Variants in COPS4 observed in about 807,000 individuals in gnomAD.
COPS4 encodes the protein COP9 signalosome subunit 4, also known as COP9 signalosome complex subunit 4.
COPS4 carries 8 observed loss-of-function variants against 55.1 expected under a neutral mutation model. That is an observed-to-expected ratio of 0.15 (90% CI 0.09 to 0.26). The LOEUF (loss-of-function observed/expected upper bound fraction) is 0.26. Among genes scored for constraint, COPS4 ranks in the 10% least tolerant of loss-of-function variants. The probability of loss-of-function intolerance (pLI) is 1.00; values close to 1 mark genes in which losing one functional copy is unlikely to be tolerated. For synonymous variants in COPS4, 185 were observed against 165.7 expected (o/e 1.12, Z -0.90); for missense variants, 248 against 484.0 (o/e 0.51, Z 4.58).
intron 9 of COPS4, among the ~76,000 whole-genome samples, chr4:83,070,853 G>T (rs990566776): frequency 1.3e-5 from 2 of 152,100 alleles, no homozygotes; most frequent in African/African-American, 4.8e-5. Context: ...CTTCCCCATT[G>T]CTTGTAGAAC....
chr4:83,063,673 C>A (rs1024569983), intron 7 of COPS4, among the ~76,000 whole-genome samples: 2 of 151,332 alleles, frequency 1.3e-5, no homozygotes, highest in East Asian at 3.9e-4. Flanking sequence ...TCCCAAAGTG[C>A]TAGGATTACA....
intron 1 of COPS4, among the ~76,000 whole-genome samples, chr4:83,044,155 T>G (rs184933702): frequency 6.6e-6 from 1 of 152,324 alleles, no homozygotes; most frequent in East Asian, 1.9e-4. Context: ...TTAAAAAATA[T>G]TACAATTGGC....
chr4:83,065,349 G>A (rs572938302), intron 7 of COPS4, among the ~76,000 whole-genome samples: 8 of 152,238 alleles, frequency 5.3e-5, no homozygotes, highest in Admixed American at 2.6e-4. Flanking sequence ...AGAGATGAAG[G>A]TGCAAAATTA....
At chr4:83,046,504 C>G (rs770748583) in intron 2 of COPS4, among the ~76,000 whole-genome samples, 1 of 152,128 alleles carries the variant, frequency 6.6e-6, no homozygotes, top group Non-Finnish European at 1.5e-5. Context: ...CGCCATATTG[C>G]TATTCACAAT....
At chr4:83,035,671 G>A (rs1346295925) in intron 1 of COPS4, 1 of 188,582 alleles carries the variant, frequency 5.3e-6, no homozygotes, top group Non-Finnish European at 1.2e-5. Context: ...CCTCTCTTTG[G>A]ACCTTCCTCC....
chr4:83,063,167 A>G lies in COPS4; in HGVS notation c.807A>G (p.Leu269=). 1.9e-6 allele frequency: 3 copies of G among 1,612,756 alleles called. No individual in the cohort carries two copies. The highest frequency in any genetic ancestry group is 2.5e-6 in the Non-Finnish European group (3 of 1,179,572). ...ATGGGATCCTAGAGAAAATGTATCT[A>G]GATAGGATCATCAGAGGAAATCAAC... ...AAYGILEKMY[L]DRIIRGNQLQ... is the part of the protein sequence containing the mutation. Residue 269 remains leucine, a synonymous_variant, in exon 7 of 10, where the codon CTA becomes CTG. Coordinates refer to ENST00000264389, the MANE Select transcript of COPS4 (RefSeq NM_016129.3).
intron 1 of COPS4, among the ~76,000 whole-genome samples, chr4:83,038,395 T>C (rs1216269108): frequency 6.6e-6 from 1 of 152,202 alleles, no homozygotes; most frequent in East Asian, 1.9e-4. Flanking sequence ...GTGGTGAAGC[T>C]AGAAGACAGT....
At chr4:83,072,986 A>C (rs1731474597) in intron 9 of COPS4, among the ~76,000 whole-genome samples, 1 of 152,202 alleles carries the variant, frequency 6.6e-6, no homozygotes, top group African/African-American at 2.4e-5. Context: ...AGTCTAGCCT[A>C]GGCAACATAA....
chr4:83,042,243 A>G lies in COPS4; in HGVS notation c.75-3383A>G, dbSNP rs1021796790. 1.1e-4 allele frequency among the ~76,000 whole-genome samples: 16 copies of G among 152,324 alleles called. No individual in the cohort carries two copies. In the South Asian group the frequency reaches 2.9e-3, roughly 28 times the overall value. On this transcript the variant is annotated intron_variant, in intron 1 of 9. Coordinates refer to ENST00000264389, the MANE Select transcript of COPS4 (RefSeq NM_016129.3). ...TGTCTTCTCAGCCATATGATCTTCAAATACAAAGGTCATTTAAAAACTTTT... is the reference window on the plus strand; with the variant it reads ...TGTCTTCTCAGCCATATGATCTTCAGATACAAAGGTCATTTAAAAACTTTT...
At chr4:83,035,635 G>T (rs1259150795) in intron 1 of COPS4, 1 of 211,608 alleles carries the variant, frequency 4.7e-6, no homozygotes, top group Non-Finnish European at 1.0e-5. Context: ...TCTTCCCATC[G>T]CTGGCCGGCC....
intron 1 of COPS4, among the ~76,000 whole-genome samples, chr4:83,044,066 A>T (rs1178570040): frequency 6.6e-6 from 1 of 152,182 alleles, no homozygotes; most frequent in Non-Finnish European, 1.5e-5. Context: ...ATTTTTGTAT[A>T]TTTATTTCGT....
At chr4:83,046,899 A>G (rs1202706966) in intron 2 of COPS4, among the ~76,000 whole-genome samples, 1 of 152,174 alleles carries the variant, frequency 6.6e-6, no homozygotes, top group Non-Finnish European at 1.5e-5. Context: ...CCAGATCAGA[A>G]ACTAGGTTTT....
chr4:83,050,004 T>G lies in COPS4; in HGVS notation c.410+20T>G. The G allele has an allele frequency of 1.4e-6, 2 of 1,413,082 alleles. No homozygotes were observed. Among genetic ancestry groups the G allele is most frequent in the Non-Finnish European group, 2.0e-6 (2 of 1,006,072 alleles). 87.5% of individuals were successfully genotyped at this position (1,413,082 alleles called of 1,614,324 possible). ...ACAAAAGTATAGTAAATAGTGGATA[T>G]TGGATGACTATATATAGGATGTATA... On this transcript the variant is annotated intron_variant, in intron 4 of 9. Coordinates refer to ENST00000264389, the MANE Select transcript of COPS4 (RefSeq NM_016129.3).
Position 83,045,659 on chromosome 4 carries a change from A to T in COPS4, c.108A>T (p.Leu36Phe). The change falls in exon 2 of 10, where the codon TTA (leucine) becomes TTT (phenylalanine). Residue 36 changes from leucine to phenylalanine, a missense_variant. Coordinates refer to ENST00000264389, the MANE Select transcript of COPS4 (RefSeq NM_016129.3). ...AGATCCTGGAAAAAGCCATTCAGTT[A>T]TCTGGAGCAGAACAACTAGAAGCTT... ...YRQILEKAIQ[L>F]SGAEQLEALK... 6.2e-7 allele frequency: 1 copy of T among 1,613,326 alleles called. No homozygotes were observed.
intron 1 of COPS4, among the ~76,000 whole-genome samples, chr4:83,044,377 G>A (rs552188364): frequency 2.9e-4 from 43 of 150,840 alleles, no homozygotes; most frequent in African/African-American, 1.0e-3. Context: ...CCTGGGAGGC[G>A]GAGGTTGCAG....
chr4:83,060,257 C>T (rs967892341), intron 6 of COPS4, among the ~76,000 whole-genome samples: 6 of 149,748 alleles, frequency 4.0e-5, no homozygotes, highest in Admixed American at 2.0e-4. Flanking sequence ...TATCTCGGCT[C>T]ACTGCAAGCT....
At chr4:83,035,437 TG>T in intron 1 of COPS4, 139 bp downstream of exon 1, 1 of 589,984 alleles carries the variant, frequency 1.7e-6, no homozygotes, top group South Asian at 1.6e-5. Context: ...TGAGGTCGGC[TG>T]GGGAGGCAAA....
chr4:83,056,021 T>C (rs1731004521), intron 4 of COPS4, among the ~76,000 whole-genome samples: 1 of 151,114 alleles, frequency 6.6e-6, no homozygotes, highest in African/African-American at 2.4e-5. Context: ...CTGTGCCTCC[T>C]GGGTTCAAGC....
At chr4:83,044,732 G>A (rs916696346) in intron 1 of COPS4, among the ~76,000 whole-genome samples, 15 of 152,000 alleles carry the variant, frequency 9.9e-5, no homozygotes, top group Admixed American at 1.3e-4. Context: ...CCAAGATTGC[G>A]CCACTGCACT....
Sources: gnomAD v4.1 joint callset for allele counts (sites outside exome capture counted in the v4.1 genomes callset) on GRCh38, gnomAD v4.1.1 for gene constraint, MANE v1.5 for transcripts, NCBI Gene and HGNC (gene_info 2026-07-23, HGNC 2026-07-21) for gene names.